The following APP variants were observed in gnomAD, a reference collection of about 807,000 sequenced individuals.
APP encodes the protein amyloid beta precursor protein, also known as amyloid-beta precursor protein.
Under a neutral mutation model 101.4 loss-of-function variants are expected in APP, and 31 were observed. The observed-to-expected ratio is 0.31, with a 90% CI of 0.23 to 0.41. The LOEUF (loss-of-function observed/expected upper bound fraction) is 0.41. APP is among the 10% of genes least tolerant of loss of function. The probability of loss-of-function intolerance (pLI) is 1.00; values close to 1 mark genes in which losing one functional copy is unlikely to be tolerated. For missense variants in APP, 839 were observed against 1,003.7 expected, an observed-to-expected ratio of 0.84 and a Z score of 2.22; for synonymous variants, 366 against 364.4, an observed-to-expected ratio of 1.00 and a Z score of -0.05.
chr21:25,941,425 C>G (rs1050646616), intron 13 of APP: 1 of 152,216 alleles, frequency 6.6e-6, no homozygotes, highest in Non-Finnish European at 1.5e-5. Context: ...ACGCAAAATT[C>G]TCTGCTGCCT....
intron 1 of APP, among the ~76,000 whole-genome samples, chr21:26,152,576 G>A (rs1480582005): frequency 6.6e-6 from 1 of 151,958 alleles, no homozygotes; most frequent in Non-Finnish European, 1.5e-5. Context: ...TGGGTGGTAG[G>A]ATTATGCATA....
chr21:26,120,191 G>C (rs1267821507), intron 1 of APP, among the ~76,000 whole-genome samples: 1 of 152,160 alleles, frequency 6.6e-6, no homozygotes, highest in Non-Finnish European at 1.5e-5. Flanking sequence ...AATTAACACA[G>C]TCATGTATTT....
At chr21:26,015,559 C>T (rs980507789) in intron 6 of APP, among the ~76,000 whole-genome samples, 2 of 152,038 alleles carry the variant, frequency 1.3e-5, no homozygotes, top group Non-Finnish European at 2.9e-5. Context: ...CATAAGTTAC[C>T]TAAAGTCATT....
At chr21:26,111,938 T>C in intron 2 of APP, 41 bp downstream of exon 2, 3 of 1,611,052 alleles carry the variant, frequency 1.9e-6, no homozygotes, top group Admixed American at 1.7e-5. Context: ...AACAAATGCA[T>C]GTGATCCAAC....
rs185927804 is a variant in APP, at chr21:26,083,473, T to C, written c.355+6470A>G. ...ACTAAAAACAAAAGCAAAACATACA[T>C]GAAAAAAATGTAGACTGCAAGGAAG... On this transcript the variant is annotated intron_variant, in intron 3 of 17. Coordinates refer to ENST00000346798, the MANE Select transcript of APP (RefSeq NM_000484.4). 2.6e-5 allele frequency among the ~76,000 whole-genome samples: 4 copies of C among 152,266 alleles called. No homozygotes were observed. In the East Asian group the frequency reaches 7.7e-4, roughly 29 times the overall value.
chr21:26,167,033 C>G (rs1325081760), intron 1 of APP, among the ~76,000 whole-genome samples: 1 of 152,072 alleles, frequency 6.6e-6, no homozygotes, highest in Admixed American at 6.6e-5. Flanking sequence ...AATCCCCAGA[C>G]CTGGGATATA....
At chr21:26,061,822 A>G (rs1278693897) in intron 3 of APP, among the ~76,000 whole-genome samples, 2 of 152,240 alleles carry the variant, frequency 1.3e-5, no homozygotes, top group African/African-American at 4.8e-5. Context: ...AGTGAAAACT[A>G]AAAGTTTTAC....
At chr21:26,158,696 GTCTCCT>G (rs1041437109) in intron 1 of APP, among the ~76,000 whole-genome samples, 1 of 152,090 alleles carries the variant, frequency 6.6e-6, no homozygotes, top group Non-Finnish European at 1.5e-5. Context: ...ATTTCACACT[GTCTCCT>G]TCACTTATTA....
At chr21:25,898,782 T>C (rs1283342171) in intron 15 of APP, among the ~76,000 whole-genome samples, 1 of 152,220 alleles carries the variant, frequency 6.6e-6, no homozygotes, top group Non-Finnish European at 1.5e-5. Flanking sequence ...ATGTTCCTGC[T>C]GGTTCTTGTC....
intron 5 of APP, among the ~76,000 whole-genome samples, chr21:26,049,910 G>A (rs1190081168): frequency 6.6e-6 from 1 of 152,190 alleles, no homozygotes; most frequent in Non-Finnish European, 1.5e-5. Flanking sequence ...AAGCATGACT[G>A]TGTTCAGGTA....
chr21:25,909,751 A>G (rs986743312), intron 14 of APP, among the ~76,000 whole-genome samples: 2 of 152,254 alleles, frequency 1.3e-5, no homozygotes, highest in Non-Finnish European at 2.9e-5. Flanking sequence ...GAGGACCTTC[A>G]ATGACCAAAA....
chr21:26,078,439 A>G (rs929991224), intron 3 of APP, among the ~76,000 whole-genome samples: 1 of 152,130 alleles, frequency 6.6e-6, no homozygotes, highest in Non-Finnish European at 1.5e-5. Flanking sequence ...TTTATATACT[A>G]TTTTTAATGT....
chr21:26,002,233 C>G (rs2043327150), intron 6 of APP, among the ~76,000 whole-genome samples: 1 of 152,222 alleles, frequency 6.6e-6, no homozygotes, highest in African/African-American at 2.4e-5. Flanking sequence ...GAGTGTTTGA[C>G]ACCTTCTGGG....
At chr21:25,991,079 G>A (rs7276754) in intron 8 of APP, among the ~76,000 whole-genome samples, 51,011 of 151,978 alleles carry the variant, frequency 0.34, 10,311 homozygotes, top group African/African-American at 0.57. Flanking sequence ...TGGAAATACA[G>A]TATGTATTCC....
intron 1 of APP, among the ~76,000 whole-genome samples, chr21:26,125,510 G>A (rs1400273396): frequency 6.6e-6 from 1 of 152,150 alleles, no homozygotes; most frequent in Non-Finnish European, 1.5e-5. Context: ...GTAACAGGAG[G>A]CAGTAAACAG....
At chr21:26,166,999 T>G (rs2063632612) in intron 1 of APP, among the ~76,000 whole-genome samples, 1 of 152,012 alleles carries the variant, frequency 6.6e-6, no homozygotes, top group Non-Finnish European at 1.5e-5. Flanking sequence ...AAACAAATAT[T>G]GTATATGCAG....
intron 11 of APP, among the ~76,000 whole-genome samples, chr21:25,966,308 G>C (rs931845024): frequency 2.0e-5 from 3 of 152,126 alleles, no homozygotes; most frequent in Non-Finnish European, 4.4e-5. Flanking sequence ...CTGTTATTGG[G>C]TTTGCCCTTA....
At chr21:25,977,459 A>T (rs1042841006) in intron 9 of APP, among the ~76,000 whole-genome samples, 1 of 152,218 alleles carries the variant, frequency 6.6e-6, no homozygotes, top group Non-Finnish European at 1.5e-5. Flanking sequence ...AGCCTTAAGG[A>T]ATAGACTCTT....
At chr21:25,916,166 T>C (rs1347312953) in intron 13 of APP, among the ~76,000 whole-genome samples, 3 of 152,090 alleles carry the variant, frequency 2.0e-5, no homozygotes, top group African/African-American at 7.2e-5. Flanking sequence ...CATGACCGGA[T>C]AGTTTTTATG....
Sources: allele counts gnomAD v4.1 joint callset (sites outside exome capture counted in the v4.1 genomes callset), GRCh38; gene constraint gnomAD v4.1.1; transcripts MANE v1.5; gene names NCBI Gene and HGNC (gene_info 2026-07-23, HGNC 2026-07-21).